Variants in PCDHA5 observed in about 807,000 individuals in gnomAD.
PCDHA5 encodes the protein protocadherin alpha-5.
Under a neutral mutation model 61.6 loss-of-function variants are expected in PCDHA5, and 43 were observed. The ratio of observed to expected loss-of-function variants is 0.70; its 90% CI spans 0.55 to 0.90. The LOEUF (loss-of-function observed/expected upper bound fraction) is 0.90, where lower values mean the gene tolerates loss of function less well. Among genes scored for constraint, PCDHA5 ranks in the 40% least tolerant of loss-of-function variants. The pLI is 0.00. For synonymous variants in PCDHA5, 627 were observed against 543.9 expected (o/e 1.15, Z -2.13); for missense variants, 1,298 against 1,222.7 (o/e 1.06, Z -0.92).
chr5:140,914,758 C>T (rs1435498037), intron 1 of PCDHA5, among the ~76,000 whole-genome samples: 3 of 151,912 alleles, frequency 2.0e-5, no homozygotes, highest in Non-Finnish European at 4.4e-5. Context: ...TTTGAGGTTA[C>T]ATGAGGTTTA....
chr5:140,823,724 T>A lies in PCDHA5; in HGVS notation c.1949T>A (p.Val650Glu). ...CCGCGCCACCGCCTTCTGGTGCTGG[T>A]GAAGGACCATGGAGAGCCCCCGCTG... is the stretch of plus-strand genomic sequence containing the variant. ...EAPRHRLLVL[V>E]KDHGEPPLTA... Residue 650 changes from valine (V) to glutamate (E), a missense_variant, in exon 1 of 4, where the codon GTG (valine) becomes GAG (glutamate). Val to Glu is a moderately radical substitution (Grantham distance 121). Transcript: ENST00000529859. The A allele has an allele frequency of 3.7e-6, 6 of 1,613,808 alleles. No individual in the cohort carries two copies. Among genetic ancestry groups the A allele is most frequent in the Non-Finnish European group, 5.1e-6 (6 of 1,179,918 alleles).
chr5:141,010,446 C>T lies in PCDHA5; in HGVS notation c.*509C>T. The T allele has an allele frequency of 1.1e-6, 1 of 944,708 alleles. No homozygotes were observed. The highest frequency in any genetic ancestry group is 1.5e-6 in the Non-Finnish European group (1 of 656,274). 58.5% of individuals were successfully genotyped at this position (944,708 alleles called of 1,614,324 possible). ...AGGCAAGAAAACAAAGACAAATAAACAGCGGAAGTTATCAGTATGGAGGGG... is the reference window on the plus strand; with the variant it reads ...AGGCAAGAAAACAAAGACAAATAAATAGCGGAAGTTATCAGTATGGAGGGG... On this transcript the variant is annotated 3_prime_UTR_variant, in exon 4 of 4. Coordinates refer to ENST00000529859, the MANE Select transcript of PCDHA5 (RefSeq NM_018908.3).
At chr5:140,930,084 A>G (rs1350674790) in intron 1 of PCDHA5, 1 of 152,142 alleles carries the variant, frequency 6.6e-6, no homozygotes, top group Non-Finnish European at 1.5e-5. Flanking sequence ...CTCTCATAAC[A>G]TCTATTTATA....
intron 1 of PCDHA5, among the ~76,000 whole-genome samples, chr5:140,949,594 G>C (rs914390039): frequency 6.6e-6 from 1 of 151,450 alleles, no homozygotes; most frequent in African/African-American, 2.4e-5. Context: ...ATATTAATGT[G>C]GCCATTCTAG....
chr5:141,003,352 C>T (rs747533399), intron 3 of PCDHA5, among the ~76,000 whole-genome samples: 38 of 152,318 alleles, frequency 2.5e-4, no homozygotes, highest in Non-Finnish European at 1.5e-4. Context: ...TGCTCTGTCA[C>T]CCAGGCTGGA....
In PCDHA5 at chr5:141,000,775, C is replaced by T. The variant is rs919489031; in HGVS notation, c.2501-8852C>T. 3.3e-5 allele frequency among the ~76,000 whole-genome samples: 5 copies of T among 151,752 alleles called. No homozygotes were observed. In the East Asian group the frequency reaches 5.8e-4, roughly 18 times the overall value. On this transcript the variant is annotated intron_variant, in intron 3 of 3. Transcript: ENST00000529859. ...AAAAAATCTTAGCCAGGCATAGTGG[C>T]GCACACCTGTATTCCTAGCTACTCA...
chr5:140,994,473 C>T (rs1199561805), intron 3 of PCDHA5, among the ~76,000 whole-genome samples: 2 of 152,038 alleles, frequency 1.3e-5, no homozygotes, highest in Admixed American at 6.5e-5. Flanking sequence ...GAGGCTGAGG[C>T]GGGTGGATTG....
chr5:140,838,594 A>G (rs1775794332), intron 1 of PCDHA5, among the ~76,000 whole-genome samples: 1 of 152,002 alleles, frequency 6.6e-6, no homozygotes, highest in Non-Finnish European at 1.5e-5. Flanking sequence ...CAATAACCGA[A>G]TTGTCTAGAC....
chr5:140,911,724 C>T (rs1255448143), intron 1 of PCDHA5, among the ~76,000 whole-genome samples: 1 of 151,192 alleles, frequency 6.6e-6, no homozygotes, highest in Non-Finnish European at 1.5e-5. Context: ...ACTCTGTAAA[C>T]AGTTCGTGCC....
Position 140,821,659 on chromosome 5 carries a change from T to C in PCDHA5, c.-117T>C. ...GAAAAGAACCTTCCATTTTTGGCTG[T>C]GCCAAGAAGCTCAGAAAGGCGATAA... is the stretch of plus-strand genomic sequence containing the variant. On this transcript the variant is annotated 5_prime_UTR_variant, in exon 1 of 4. Coordinates refer to ENST00000529859, the MANE Select transcript of PCDHA5 (RefSeq NM_018908.3). 4 of 1,173,458 alleles carry C rather than the reference T, an allele frequency of 3.4e-6. No homozygotes were observed. The highest frequency in any genetic ancestry group is 4.8e-6 in the Non-Finnish European group (4 of 837,238). 72.7% of individuals were successfully genotyped at this position (1,173,458 alleles called of 1,614,324 possible).
intron 1 of PCDHA5, chr5:140,881,315 A>G: frequency 1.0e-6 from 1 of 981,768 alleles, no homozygotes; most frequent in Non-Finnish European, 1.2e-6. Flanking sequence ...TCCTGGTTAA[A>G]TTCTATTTAA....
At position 141,009,870 on chromosome 5, in the gene PCDHA5, A is replaced by G. The variant is rs1554262513; in HGVS notation, c.2744A>G (p.Lys915Arg). 1.9e-6 allele frequency: 3 copies of G among 1,614,114 alleles called. No homozygotes were observed. Among genetic ancestry groups the G allele is most frequent in the South Asian group, 2.2e-5 (2 of 91,074 alleles). ...GAGACCAAGAAAAAGAAGAAAAAGA[A>G]GAAGGGTAACAAGACCCAGGAGAAA... ...KEETKKKKKK[K>R]KGNKTQEKKE... The change falls in exon 4 of 4, where the codon AAG (lysine) becomes AGG (arginine). Residue 915 changes from lysine to arginine, a missense_variant. Physicochemically the swap from Lys to Arg is conservative, Grantham distance 26. Coordinates refer to ENST00000529859, the MANE Select transcript of PCDHA5 (RefSeq NM_018908.3).
chr5:140,846,849 G>T (rs1318319896), intron 1 of PCDHA5, among the ~76,000 whole-genome samples: 1 of 149,562 alleles, frequency 6.7e-6, no homozygotes, highest in Non-Finnish European at 1.5e-5. Flanking sequence ...ACAATGCAAG[G>T]CAAGATAATG....
intron 1 of PCDHA5, chr5:140,968,431 G>T: frequency 6.2e-7 from 1 of 1,613,980 alleles, no homozygotes; most frequent in South Asian, 1.1e-5. Flanking sequence ...AGGACAAGGG[G>T]AGCCCACCAC....
intron 3 of PCDHA5, among the ~76,000 whole-genome samples, chr5:141,007,687 C>T (rs1434828672): frequency 1.3e-5 from 2 of 152,200 alleles, no homozygotes; most frequent in Non-Finnish European, 2.9e-5. Flanking sequence ...TATCCTACTT[C>T]CACCTCCCTC....
At chr5:140,835,661 C>T (rs782249131) in intron 1 of PCDHA5, 1 of 1,613,886 alleles carries the variant, frequency 6.2e-7, no homozygotes, top group Non-Finnish European at 8.5e-7. Context: ...TGGTGGTTAC[C>T]GCGCGGGACG....
chr5:140,857,724 A>G (rs1277501257), intron 1 of PCDHA5: 1 of 1,597,434 alleles, frequency 6.3e-7, no homozygotes, highest in Admixed American at 1.7e-5. Context: ...GACGAGAACG[A>G]CAACGCTCCC....
chr5:140,851,112 C>A lies in PCDHA5; in HGVS notation c.2352+26985C>A. On this transcript the variant is annotated intron_variant, in intron 1 of 3. Coordinates refer to ENST00000529859, the MANE Select transcript of PCDHA5 (RefSeq NM_018908.3). ...AATAGATATTTTTTGGGTGCTGAAT[C>A]AATTTTATTTAAATTTGTGATTAAA... The A allele has an allele frequency of 5.4e-6, 7 of 1,301,380 alleles. 1 individual carries two copies. The highest frequency in any genetic ancestry group is 7.0e-6 in the Non-Finnish European group (7 of 1,004,338). 80.6% of individuals were successfully genotyped at this position (1,301,380 alleles called of 1,614,324 possible). A position where few individuals can be genotyped will look rare whatever the true frequency, so the allele number is the denominator to read the frequency against.
chr5:140,910,281 A>G (rs1198162778), intron 1 of PCDHA5, among the ~76,000 whole-genome samples: 4 of 151,152 alleles, frequency 2.6e-5, no homozygotes, highest in East Asian at 2.0e-4. Context: ...TAGGAACACC[A>G]TGATTAATCA....
Sources: gnomAD v4.1 joint callset for allele counts (sites outside exome capture counted in the v4.1 genomes callset) on GRCh38, gnomAD v4.1.1 for gene constraint, MANE v1.5 for transcripts, NCBI Gene and HGNC (gene_info 2026-07-23, HGNC 2026-07-21) for gene names.